The following RGS10 variants were observed in gnomAD, a reference collection of about 807,000 sequenced individuals.
RGS10 encodes regulator of G protein signaling 10, also known as regulator of G-protein signalling 10.
Under a neutral mutation model 23.5 loss-of-function variants are expected in RGS10, and 11 were observed. The observed-to-expected ratio is 0.47, with a 90% CI of 0.29 to 0.77. The LOEUF (loss-of-function observed/expected upper bound fraction) is 0.77, where lower values mean the gene tolerates loss of function less well. Among genes scored for constraint, RGS10 ranks in the 30% least tolerant of loss-of-function variants. The pLI is 0.08. For missense variants in RGS10, 180 were observed against 226.3 expected (o/e 0.80, Z 1.31); for synonymous variants, 77 against 83.2 (o/e 0.92, Z 0.41).
intron 4 of RGS10, among the ~76,000 whole-genome samples, chr10:119,503,560 T>G (rs907450151): frequency 1.1e-4 from 16 of 152,166 alleles, no homozygotes; most frequent in Non-Finnish European, 1.6e-4. Flanking sequence ...TGCAGTGCCC[T>G]CCAGCCCTGC....
At chr10:119,540,863 G>A (rs906659163) in intron 1 of RGS10, among the ~76,000 whole-genome samples, 1 of 152,284 alleles carries the variant, frequency 6.6e-6, no homozygotes, top group East Asian at 1.9e-4. Context: ...TGTACTAGGG[G>A]CTTCATATGG....
chr10:119,520,809 C>CAA (rs58487462), intron 3 of RGS10, among the ~76,000 whole-genome samples: 22 of 126,090 alleles, frequency 1.7e-4, no homozygotes, highest in Middle Eastern at 4.0e-3. Flanking sequence ...TCTCCAAAAG[C>CAA]AAAAAAAAAA....
intron 4 of RGS10, among the ~76,000 whole-genome samples, chr10:119,509,761 G>A (rs2133947323): frequency 6.6e-6 from 1 of 152,284 alleles, no homozygotes; most frequent in South Asian, 2.1e-4. Flanking sequence ...TTTGCCCAAA[G>A]CCCCATGTTA....
At chr10:119,535,855 C>A (rs1249105058) in intron 1 of RGS10, among the ~76,000 whole-genome samples, 1 of 152,206 alleles carries the variant, frequency 6.6e-6, no homozygotes, top group Non-Finnish European at 1.5e-5. Flanking sequence ...ACACACTGTA[C>A]TCCTTTAAAA....
intron 3 of RGS10, among the ~76,000 whole-genome samples, chr10:119,523,148 C>T (rs1844238637): frequency 6.6e-6 from 1 of 152,106 alleles, no homozygotes; most frequent in Admixed American, 6.5e-5. Context: ...CCACTGTGCC[C>T]AGCCTCGGGC....
intron 4 of RGS10, among the ~76,000 whole-genome samples, chr10:119,502,669 C>CCCCGAGAT (rs1276203852): frequency 6.6e-6 from 1 of 152,266 alleles, no homozygotes; most frequent in East Asian, 1.9e-4. Flanking sequence ...CAGGACTCGA[C>CCCCGAGAT]CCCGAGATCC....
chr10:119,513,854 G>A (rs79228572), intron 4 of RGS10, among the ~76,000 whole-genome samples: 5,419 of 152,308 alleles, frequency 0.036, 159 homozygotes, highest in Non-Finnish European at 0.054. Flanking sequence ...GATGGTCATG[G>A]GGGGAGCATG....
At chr10:119,503,742 C>T (rs1843978325) in intron 4 of RGS10, among the ~76,000 whole-genome samples, 2 of 152,344 alleles carry the variant, frequency 1.3e-5, no homozygotes, top group East Asian at 3.9e-4. Flanking sequence ...CTGTCCTCGG[C>T]TCGTAGACCA....
At chr10:119,505,957 C>A (rs1043498877) in intron 4 of RGS10, among the ~76,000 whole-genome samples, 1 of 152,194 alleles carries the variant, frequency 6.6e-6, no homozygotes, top group Non-Finnish European at 1.5e-5. Context: ...GATATCATAT[C>A]TGCTTTAAGA....
intron 1 of RGS10, among the ~76,000 whole-genome samples, chr10:119,539,698 T>G (rs1347139295): frequency 1.3e-5 from 2 of 152,168 alleles, no homozygotes; most frequent in Non-Finnish European, 2.9e-5. Flanking sequence ...GAACACACTT[T>G]GAGAAACCTC....
intron 2 of RGS10, among the ~76,000 whole-genome samples, chr10:119,526,795 A>G (rs1051395757): frequency 2.6e-5 from 4 of 151,980 alleles, no homozygotes; most frequent in Admixed American, 6.6e-5. Flanking sequence ...AAATTCACAT[A>G]TGGTCCTCCA....
chr10:119,528,300 G>A (rs1040065554), intron 1 of RGS10, among the ~76,000 whole-genome samples: 3 of 151,874 alleles, frequency 2.0e-5, no homozygotes, highest in Admixed American at 2.0e-4. Flanking sequence ...CAAAGTGCTG[G>A]GATTACATGC....
intron 1 of RGS10, among the ~76,000 whole-genome samples, chr10:119,528,748 C>G (rs1158128356): frequency 6.6e-6 from 1 of 152,000 alleles, no homozygotes; most frequent in Non-Finnish European, 1.5e-5. Context: ...GCAGGAGAAA[C>G]GCTTGAACCC....
chr10:119,509,252 G>C (rs1230590657), intron 4 of RGS10, among the ~76,000 whole-genome samples: 2 of 152,074 alleles, frequency 1.3e-5, no homozygotes, highest in Non-Finnish European at 2.9e-5. Context: ...TAGGCACGGA[G>C]AGGGAGCAAG....
intron 1 of RGS10, among the ~76,000 whole-genome samples, chr10:119,536,124 G>C (rs1175406112): frequency 6.6e-6 from 1 of 152,178 alleles, no homozygotes; most frequent in Non-Finnish European, 1.5e-5. Context: ...TACCCCACCT[G>C]CATGCAATTC....
intron 4 of RGS10, among the ~76,000 whole-genome samples, chr10:119,512,184 T>G (rs979737467): frequency 1.3e-5 from 2 of 152,186 alleles, no homozygotes; most frequent in Non-Finnish European, 2.9e-5. Context: ...GGAAAGCGGC[T>G]GCTCTGCGGC....
At chr10:119,511,073 G>T (rs1322891542) in intron 4 of RGS10, among the ~76,000 whole-genome samples, 13 of 152,138 alleles carry the variant, frequency 8.5e-5, no homozygotes, top group Admixed American at 7.9e-4. Flanking sequence ...ATTCCCTGAA[G>T]AAACCACCTC....
intron 3 of RGS10, among the ~76,000 whole-genome samples, chr10:119,520,510 GA>G (rs1053711816): frequency 1.3e-5 from 2 of 152,178 alleles, no homozygotes; most frequent in African/African-American, 4.8e-5. Context: ...ACCTTCAACA[GA>G]AGAGTTGAGT....
chr10:119,535,271 GAA>G (rs34636046), intron 1 of RGS10, among the ~76,000 whole-genome samples: 12 of 122,362 alleles, frequency 9.8e-5, no homozygotes, highest in African/African-American at 2.4e-4. Context: ...AATCCATGCA[GAA>G]AAAAAAAAAA....
Sources: gnomAD v4.1 joint callset for allele counts (sites outside exome capture counted in the v4.1 genomes callset) on GRCh38, gnomAD v4.1.1 for gene constraint, MANE v1.5 for transcripts, NCBI Gene and HGNC (gene_info 2026-07-23, HGNC 2026-07-21) for gene names.